MGST3: variants seen among roughly 807,000 people sequenced by gnomAD.
The protein encoded by MGST3 is microsomal glutathione S-transferase 3.
A neutral mutation model predicts 15.8 loss-of-function variants in MGST3; 13 were observed. That is an observed-to-expected ratio of 0.82 (90% CI 0.54 to 1.31). The LOEUF is 1.31. MGST3 is among the 50% of genes most tolerant of loss of function. MGST3 has a pLI of 0.00. For missense variants in MGST3, 155 were observed against 192.4 expected, an observed-to-expected ratio of 0.81 and a Z score of 1.15; for synonymous variants, 49 against 68.1, an observed-to-expected ratio of 0.72 and a Z score of 1.38.
At chr1:165,636,597 C>T (rs541671286) in intron 1 of MGST3, among the ~76,000 whole-genome samples, 16 of 152,032 alleles carry the variant, frequency 1.1e-4, no homozygotes, top group Admixed American at 3.3e-4. Flanking sequence ...TTAACCGGGG[C>T]GTGGTAGCAC....
chr1:165,649,003 A>G (rs554496894), intron 1 of MGST3: 15 of 152,440 alleles, frequency 9.8e-5, no homozygotes, highest in Non-Finnish European at 2.2e-4. Flanking sequence ...GAAGCCAGGC[A>G]ATTACCAGGG....
intron 1 of MGST3, among the ~76,000 whole-genome samples, chr1:165,639,754 G>T (rs1648212521): frequency 6.6e-6 from 1 of 152,134 alleles, no homozygotes; most frequent in South Asian, 2.1e-4. Flanking sequence ...AGTGAGCTGA[G>T]ATAGCACCCC....
chr1:165,649,583 A>C, intron 1 of MGST3: 1 of 447,452 alleles, frequency 2.2e-6, no homozygotes, highest in Non-Finnish European at 4.1e-6. Flanking sequence ...GTTGATCAGA[A>C]TCTCCCAGGC....
At chr1:165,645,704 G>C (rs571391284) in intron 1 of MGST3, 1 of 152,138 alleles carries the variant, frequency 6.6e-6, no homozygotes, top group African/African-American at 2.4e-5. Context: ...TGGCACAGTG[G>C]CTATGATGTC....
intron 1 of MGST3, chr1:165,646,725 T>C (rs1648414208): frequency 6.6e-6 from 1 of 152,260 alleles, no homozygotes; most frequent in East Asian, 1.9e-4. Context: ...GCTCAAATCA[T>C]TTATTCCGTA....
rs182418456 is a variant in MGST3 at position 165,651,133 on chromosome 1, T to C, written c.191+46T>C. ...GCACCAAAGACATCTGCAGAGTGGGTGTTTTCTGTCTAACACCTCAGCCCT... is the reference window on the plus strand; with the variant it reads ...GCACCAAAGACATCTGCAGAGTGGGCGTTTTCTGTCTAACACCTCAGCCCT... On this transcript the variant is annotated intron_variant, in intron 3 of 5. Coordinates refer to ENST00000367889, the MANE Select transcript of MGST3 (RefSeq NM_004528.4). The C allele has an allele frequency of 6.9e-5, 108 of 1,554,446 alleles. No homozygotes were observed. The African/African-American group carries it at 1.3e-3, about 18-fold the overall frequency.
At chr1:165,645,612 A>G (rs1037187597) in intron 1 of MGST3, 1 of 152,240 alleles carries the variant, frequency 6.6e-6, no homozygotes. Flanking sequence ...CTATACTTTT[A>G]TATGACTGGC....
intron 3 of MGST3, 70 bp from the exon 4 acceptor site, chr1:165,651,908 A>G (rs1408830274): frequency 1.9e-6 from 2 of 1,029,068 alleles, no homozygotes; most frequent in Admixed American, 4.4e-5. Flanking sequence ...AAAAAAAAAA[A>G]AAATTCATAA....
At chr1:165,637,676 T>A (rs1453767384) in intron 1 of MGST3, among the ~76,000 whole-genome samples, 1 of 152,198 alleles carries the variant, frequency 6.6e-6, no homozygotes, top group East Asian at 1.9e-4. Flanking sequence ...ATTTTGGTAT[T>A]TGAATAGCTG....
At chr1:165,643,077 A>C (rs1021548319) in intron 1 of MGST3, among the ~76,000 whole-genome samples, 3 of 152,252 alleles carry the variant, frequency 2.0e-5, no homozygotes, top group Non-Finnish European at 2.9e-5. Flanking sequence ...AACTATGCTT[A>C]TGATTTTAAT....
In MGST3 at chr1:165,651,918, A is replaced by G. The variant is rs1469517118; in HGVS notation, c.192-60A>G. 4.1e-5 allele frequency: 42 copies of G among 1,030,820 alleles called. 1 individual carries two copies. Among genetic ancestry groups the G allele is most frequent in the Middle Eastern group, 4.5e-4 (2 of 4,442 alleles). 63.9% of individuals were successfully genotyped at this position (1,030,820 alleles called of 1,614,324 possible). A position where few individuals can be genotyped will look rare whatever the true frequency, so the allele number is the denominator to read the frequency against. ...AAAAAAAAAAAAAAAAAAATTCATA[A>G]TTCTACACAGGCATACTTAAAAAGG... On this transcript the variant is annotated intron_variant, in intron 3 of 5. Coordinates refer to ENST00000367889, the MANE Select transcript of MGST3 (RefSeq NM_004528.4).
chr1:165,641,935 C>A (rs773859498), intron 1 of MGST3, among the ~76,000 whole-genome samples: 27 of 152,214 alleles, frequency 1.8e-4, no homozygotes, highest in Non-Finnish European at 3.2e-4. Context: ...CTTTAATGTT[C>A]TCTTGACTGA....
In MGST3 at chr1:165,656,102, T is replaced by G. The variant is rs1370777791; in HGVS notation, c.*598T>G. On this transcript the variant is annotated 3_prime_UTR_variant, in exon 6 of 6. Transcript: ENST00000367889. Reference sequence around the variant, plus strand: ...CAGCGTGGGTGACAGAGCAAGACCCTGTCTCAAATAAATAAAAATTAAGTT... The same window carrying G: ...CAGCGTGGGTGACAGAGCAAGACCCGGTCTCAAATAAATAAAAATTAAGTT... 1 of 152,932 alleles carries G rather than the reference T, an allele frequency of 6.5e-6. No homozygotes were observed. The highest frequency in any genetic ancestry group is 1.5e-5 in the Non-Finnish European group (1 of 68,582). 9.5% of individuals were successfully genotyped at this position (152,932 alleles called of 1,614,324 possible).
At chr1:165,650,594 A>G (rs1374045029) in intron 2 of MGST3, 1 of 191,386 alleles carries the variant, frequency 5.2e-6, no homozygotes, top group Admixed American at 5.3e-5. Context: ...CACTTCCATT[A>G]AGATTCTCAC....
intron 1 of MGST3, among the ~76,000 whole-genome samples, chr1:165,635,460 C>A (rs1648083181): frequency 6.6e-6 from 1 of 152,180 alleles, no homozygotes; most frequent in South Asian, 2.1e-4. Context: ...TTGGCTTTAA[C>A]AGAGTTTCAA....
intron 1 of MGST3, among the ~76,000 whole-genome samples, chr1:165,634,996 G>A (rs188664013): frequency 1.6e-4 from 25 of 151,932 alleles, no homozygotes; most frequent in Non-Finnish European, 3.7e-4. Context: ...TGCTTTGTCC[G>A]ACATTGAATT....
chr1:165,631,947 C>T (rs1231670111), intron 1 of MGST3: 1 of 375,434 alleles, frequency 2.7e-6, no homozygotes, highest in African/African-American at 2.0e-5. Flanking sequence ...TCAGGTTCTT[C>T]CTTGGATTTC....
intron 1 of MGST3, among the ~76,000 whole-genome samples, chr1:165,632,926 GTCAAAAGCAATT>G (rs1647992993): frequency 6.6e-6 from 1 of 152,124 alleles, no homozygotes; most frequent in Non-Finnish European, 1.5e-5. Flanking sequence ...AAATCAATCT[GTCAAAAGCAATT>G]CAGTGCCTAC....
chr1:165,632,213 C>A (rs1647973041), intron 1 of MGST3: 1 of 1,611,502 alleles, frequency 6.2e-7, no homozygotes, highest in South Asian at 1.1e-5. Context: ...GGGGTTAGAA[C>A]TTTAATTCCT....
Sources: gnomAD v4.1 joint callset for allele counts (sites outside exome capture counted in the v4.1 genomes callset) on GRCh38, gnomAD v4.1.1 for gene constraint, MANE v1.5 for transcripts, NCBI Gene and HGNC (gene_info 2026-07-23, HGNC 2026-07-21) for gene names.